RBFOX1: variants seen among roughly 807,000 people sequenced by gnomAD.
RBFOX1 encodes the protein RNA binding fox-1 homolog 1.
Under a neutral mutation model 57.7 loss-of-function variants are expected in RBFOX1, and 8 were observed. The ratio of observed to expected loss-of-function variants is 0.14; its 90% CI spans 0.08 to 0.25. RBFOX1 has a LOEUF of 0.25. Among genes scored for constraint, RBFOX1 ranks in the 10% least tolerant of loss-of-function variants. The pLI is 1.00. For synonymous variants in RBFOX1, 326 were observed against 222.4 expected, an observed-to-expected ratio of 1.47 and a Z score of -4.15; for missense variants, 611 against 548.5, an observed-to-expected ratio of 1.11 and a Z score of -1.14.
rs550582698 is a variant in RBFOX1, at chr16:6,981,198, A to G, written c.-15-70859A>G. Among the ~76,000 whole-genome samples, 38 of 151,970 alleles carry G rather than the reference A, an allele frequency of 2.5e-4. 1 individual carries two copies. Among genetic ancestry groups the G allele is most frequent in the Admixed American group, 1.2e-3 (19 of 15,252 alleles). On this transcript the variant is annotated intron_variant, in intron 3 of 15. Transcript: ENST00000550418. ...AGCTTGTGTGATGGGGGTTTGTGGT[A>G]CAGATTATTTCATCACCCAGGTATT...
intron 3 of RBFOX1, among the ~76,000 whole-genome samples, chr16:5,866,590 CA>C (rs1402026096): frequency 6.6e-6 from 1 of 152,198 alleles, no homozygotes; most frequent in Non-Finnish European, 1.5e-5. Flanking sequence ...GAGGTGTCTA[CA>C]CCAAATCCTT....
intron 4 of RBFOX1, among the ~76,000 whole-genome samples, chr16:5,905,648 A>G (rs1306995746): frequency 6.6e-6 from 1 of 152,130 alleles, no homozygotes; most frequent in Non-Finnish European, 1.5e-5. Context: ...TACGCTGTGA[A>G]CATACCACTC....
At chr16:5,657,353 C>T (rs1324224916) in intron 3 of RBFOX1, among the ~76,000 whole-genome samples, 1 of 152,122 alleles carries the variant, frequency 6.6e-6, no homozygotes, top group African/African-American at 2.4e-5. Context: ...ACACTTAATC[C>T]ACATTATAAG....
At chr16:5,254,513 C>A (rs894677803) in intron 1 of RBFOX1, among the ~76,000 whole-genome samples, 2 of 152,186 alleles carry the variant, frequency 1.3e-5, no homozygotes, top group African/African-American at 4.8e-5. Flanking sequence ...TCATATTTAT[C>A]TTGTGGTCTG....
intron 1 of RBFOX1, among the ~76,000 whole-genome samples, chr16:6,071,746 C>T (rs550335142): frequency 2.2e-4 from 33 of 152,288 alleles, no homozygotes; most frequent in African/African-American, 7.9e-4. Context: ...CCGATTGTCC[C>T]CTCCCCGTGG....
chr16:5,676,005 G>T (rs1192906672), intron 3 of RBFOX1, among the ~76,000 whole-genome samples: 1 of 152,130 alleles, frequency 6.6e-6, no homozygotes, highest in Non-Finnish European at 1.5e-5. Context: ...GGCATCGCAT[G>T]TTCTCAGTCA....
At chr16:5,974,834 C>T (rs915664416) in intron 4 of RBFOX1, among the ~76,000 whole-genome samples, 3 of 151,952 alleles carry the variant, frequency 2.0e-5, no homozygotes, top group Admixed American at 1.3e-4. Flanking sequence ...CATGGAGAAA[C>T]CCTGTCTCTA....
chr16:5,905,124 A>G (rs1390124788), intron 4 of RBFOX1, among the ~76,000 whole-genome samples: 4 of 134,652 alleles, frequency 3.0e-5, no homozygotes, highest in Non-Finnish European at 6.2e-5. Context: ...CTGGAGTGCA[A>G]TGGTACAATC....
intron 3 of RBFOX1, among the ~76,000 whole-genome samples, chr16:6,997,330 T>C (rs2092348278): frequency 6.6e-6 from 1 of 152,202 alleles, no homozygotes; most frequent in South Asian, 2.1e-4. Flanking sequence ...CTTATCAGTA[T>C]GAAGTGGCAT....
chr16:6,593,393 C>T (rs1307913447), intron 2 of RBFOX1, among the ~76,000 whole-genome samples: 6 of 152,142 alleles, frequency 3.9e-5, no homozygotes, highest in South Asian at 4.1e-4. Context: ...AATGATCTGC[C>T]TATCCTTTTT....
intron 3 of RBFOX1, among the ~76,000 whole-genome samples, chr16:5,654,657 A>AGTG (rs1225782607): frequency 2.6e-5 from 4 of 152,010 alleles, no homozygotes; most frequent in African/African-American, 4.8e-5. Context: ...TCTCATTCAC[A>AGTG]ACCTGGCATG....
chr16:5,783,422 T>C (rs1268881777), intron 3 of RBFOX1, among the ~76,000 whole-genome samples: 1 of 152,200 alleles, frequency 6.6e-6, no homozygotes, highest in East Asian at 1.9e-4. Context: ...GGTTATATGG[T>C]GTATATAGAG....
At position 6,025,950 on chromosome 16, in the gene RBFOX1, C is replaced by G. The variant is rs149961164; in HGVS notation, c.-127+5958C>G. On this transcript the variant is annotated intron_variant, in intron 1 of 15. Coordinates refer to ENST00000550418, the MANE Select transcript of RBFOX1 (RefSeq NM_018723.4). ...TGGATTGAACTCTTCCTATGTAGCA[C>G]AAGCTGAGCCAAGCACTGTACCTTC... Among the ~76,000 whole-genome samples the G allele has an allele frequency of 3.9e-4, 59 of 152,310 alleles. 1 individual carries two copies. The East Asian group carries it at 0.011, about 28-fold the overall frequency.
intron 1 of RBFOX1, among the ~76,000 whole-genome samples, chr16:6,058,810 A>G (rs539881465): frequency 6.8e-6 from 1 of 147,798 alleles, no homozygotes; most frequent in Non-Finnish European, 1.5e-5. Flanking sequence ...CCATCCATCC[A>G]CCCACTTACC....
At chr16:5,779,411 A>G (rs979614632) in intron 3 of RBFOX1, among the ~76,000 whole-genome samples, 7 of 152,218 alleles carry the variant, frequency 4.6e-5, no homozygotes, top group African/African-American at 1.7e-4. Context: ...AGCTGGTGCT[A>G]TACAATTCCA....
chr16:6,401,892 A>G (rs2093084245), intron 2 of RBFOX1, among the ~76,000 whole-genome samples: 1 of 151,962 alleles, frequency 6.6e-6, no homozygotes, highest in African/African-American at 2.4e-5. Context: ...GAGTAATTAG[A>G]GAAGAGAAAT....
intron 2 of RBFOX1, among the ~76,000 whole-genome samples, chr16:5,493,923 T>C (rs1253525848): frequency 6.6e-6 from 1 of 151,974 alleles, no homozygotes; most frequent in Non-Finnish European, 1.5e-5. Context: ...AAGCAGGCAA[T>C]GAAAGTGGAA....
At chr16:5,965,919 T>A (rs968713156) in intron 4 of RBFOX1, among the ~76,000 whole-genome samples, 1 of 152,102 alleles carries the variant, frequency 6.6e-6, no homozygotes, top group Non-Finnish European at 1.5e-5. Flanking sequence ...ATCCCTGAGA[T>A]ACCCTCCCCA....
chr16:7,607,419 A>C, intron 10 of RBFOX1, 81 bp downstream of exon 10: 4 of 1,313,170 alleles, frequency 3.0e-6, no homozygotes, highest in Non-Finnish European at 3.2e-6. Flanking sequence ...GAGTTTTGTA[A>C]AATAACCTGA....
Sources: allele counts gnomAD v4.1 joint callset (sites outside exome capture counted in the v4.1 genomes callset), GRCh38; gene constraint gnomAD v4.1.1; transcripts MANE v1.5; gene names NCBI Gene and HGNC (gene_info 2026-07-23, HGNC 2026-07-21).